CAPRIN1: variants seen among roughly 807,000 people sequenced by gnomAD.
CAPRIN1 encodes the protein caprin-1.
CAPRIN1 carries 29 observed loss-of-function variants against 100.9 expected under a neutral mutation model. That is an observed-to-expected ratio of 0.29 (90% CI 0.21 to 0.39). CAPRIN1 has a LOEUF of 0.39. Ranked by LOEUF, CAPRIN1 falls within the 10% of genes least tolerant of loss-of-function variation. The pLI is 1.00. For missense variants in CAPRIN1, 795 were observed against 876.7 expected (o/e 0.91, Z 1.18); for synonymous variants, 338 against 307.5 (o/e 1.10, Z -1.04).
intron 11 of CAPRIN1, among the ~76,000 whole-genome samples, chr11:34,088,767 A>C (rs561726051): frequency 6.6e-6 from 1 of 152,314 alleles, no homozygotes; most frequent in South Asian, 2.1e-4. Context: ...GTCTTTTTTC[A>C]TGGCACTGAT....
At position 34,102,088 on chromosome 11, in the gene CAPRIN1, A is replaced by G. The variant is rs1395287942; in HGVS notation, c.*2721A>G. ...TTGATATTAAAACAAATATCCTTTA[A>G]GTATTTCTAATCAGTTAGCTTCTAC... is the stretch of plus-strand genomic sequence containing the variant. On this transcript the variant is annotated 3_prime_UTR_variant, in exon 19 of 19. Coordinates refer to ENST00000341394, the MANE Select transcript of CAPRIN1 (RefSeq NM_005898.5). Among the ~76,000 whole-genome samples the G allele has an allele frequency of 6.6e-6, 1 of 152,194 alleles. No homozygotes were observed. The highest frequency in any genetic ancestry group is 1.5e-5 in the Non-Finnish European group (1 of 68,012).
At chr11:34,068,114 T>A (rs1170819668) in intron 2 of CAPRIN1, among the ~76,000 whole-genome samples, 1 of 152,200 alleles carries the variant, frequency 6.6e-6, no homozygotes, top group African/African-American at 2.4e-5. Context: ...TTCATTCATA[T>A]GTTTGTTGCT....
Position 34,096,561 on chromosome 11 carries a change from A to C in CAPRIN1, c.1788A>C (p.Gly596=). 6.2e-7 allele frequency: 1 copy of C among 1,614,104 alleles called. No individual in the cohort carries two copies. The highest frequency in any genetic ancestry group is 8.5e-7 in the Non-Finnish European group (1 of 1,180,008). The change falls in exon 16 of 19, where the codon GGA becomes GGC. Residue 596 remains glycine, a synonymous_variant. Coordinates refer to ENST00000341394, the MANE Select transcript of CAPRIN1 (RefSeq NM_005898.5). ...AGCAGCCTCCTCAGCAGAACACTGG[A>C]TTTCCACGTAGCAATCAGCCCTATT... ...NHQQPPQQNT[G]FPRSNQPYYN...
chr11:34,055,566 A>T (rs1850433421), intron 2 of CAPRIN1: 1 of 152,172 alleles, frequency 6.6e-6, no homozygotes, highest in Non-Finnish European at 1.5e-5. Flanking sequence ...ACCTCAGGTG[A>T]TCCAGCCGCC....
intron 2 of CAPRIN1, among the ~76,000 whole-genome samples, chr11:34,058,966 G>GGT (rs777547898): frequency 3.9e-5 from 6 of 152,102 alleles, no homozygotes; most frequent in Non-Finnish European, 5.9e-5. Context: ...GGAAATGAAT[G>GGT]GTGTGTGTGT....
At chr11:34,053,231 T>A in intron 2 of CAPRIN1, 2 of 853,190 alleles carry the variant, frequency 2.3e-6, no homozygotes, top group South Asian at 5.3e-5. Flanking sequence ...GGTCTTCGAT[T>A]TGCTACCCCC....
intron 2 of CAPRIN1, chr11:34,053,126 C>A (rs1590714610): frequency 1.0e-6 from 1 of 992,082 alleles, no homozygotes; most frequent in African/African-American, 1.7e-5. Flanking sequence ...ACCATGCACT[C>A]GAGACCTGTC....
At position 34,079,630 on chromosome 11, in the gene CAPRIN1, A is replaced by G; in HGVS notation, c.691A>G (p.Lys231Glu). Residue 231 changes from lysine (K) to glutamate (E), a missense_variant and splice_region_variant, in exon 7 of 19, where the codon AAA (lysine) becomes GAA (glutamate). Coordinates refer to ENST00000341394, the MANE Select transcript of CAPRIN1 (RefSeq NM_005898.5). ...KEKPVCGTTYKVLKEIVERVF... is the reference protein window; with the variant it reads ...KEKPVCGTTYEVLKEIVERVF... Reference sequence around the variant, plus strand: ...ATAATTCATGTTCTTTTTCTTAGATAAAGTTCTAAAGGAAATTGTTGAGCG... The same window carrying G: ...ATAATTCATGTTCTTTTTCTTAGATGAAGTTCTAAAGGAAATTGTTGAGCG... 1.2e-6 allele frequency: 2 copies of G among 1,612,886 alleles called. No homozygotes were observed. The highest frequency in any genetic ancestry group is 1.7e-6 in the Non-Finnish European group (2 of 1,179,156).
At position 34,095,459 on chromosome 11, in the gene CAPRIN1, A is replaced by G. The variant is rs376121823; in HGVS notation, c.1706-1020A>G. On this transcript the variant is annotated intron_variant, in intron 15 of 18. Transcript: ENST00000341394. ...GAGCAGTGGCTCTCTCTTTTTCTCT[A>G]GGTATTCCCTAGTGCTTTCATCGTA... 2.0e-5 allele frequency among the ~76,000 whole-genome samples: 3 copies of G among 152,336 alleles called. No individual in the cohort carries two copies. The South Asian group carries it at 6.2e-4, about 32-fold the overall frequency.
chr11:34,082,726 C>A, intron 7 of CAPRIN1, 99 bp from the exon 8 acceptor site: 1 of 811,774 alleles, frequency 1.2e-6, no homozygotes, highest in Non-Finnish European at 2.1e-6. Flanking sequence ...TGGGTTTGGA[C>A]AAATGCATAA....
chr11:34,072,342 A>G (rs928077222), intron 4 of CAPRIN1, among the ~76,000 whole-genome samples: 22 of 152,098 alleles, frequency 1.4e-4, no homozygotes, highest in Admixed American at 1.2e-3. Flanking sequence ...CATTAAATTT[A>G]AAAATTTTTT....
chr11:34,052,570 G>T lies in CAPRIN1; in HGVS notation c.150G>T (p.Gln50His), dbSNP rs763892752. The change falls in exon 2 of 19, where the codon CAG (glutamine) becomes CAT (histidine). Residue 50 changes from glutamine to histidine, a missense_variant. Physicochemically the swap from Gln to His is conservative, Grantham distance 24. Transcript: ENST00000341394. ...CCGCAACCGGCACCGGCGCTGTCCA[G>T]ACCGAGGCCATGAAGCAGATTCTCG... ...QHPATGTGAV[Q>H]TEAMKQILGV... The T allele has an allele frequency of 8.1e-6, 13 of 1,610,684 alleles. No homozygotes were observed. In the African/African-American group the frequency reaches 1.3e-4, roughly 17 times the overall value.
At chr11:34,098,115 C>A (rs2134140418) in intron 18 of CAPRIN1, 1 of 1,006,394 alleles carries the variant, frequency 9.9e-7, no homozygotes, top group African/African-American at 1.7e-5. Context: ...TGAGATTGAA[C>A]ATTTATATAA....
At chr11:34,061,298 C>G (rs1590721279) in intron 2 of CAPRIN1, among the ~76,000 whole-genome samples, 1 of 150,742 alleles carries the variant, frequency 6.6e-6, no homozygotes, top group Admixed American at 6.6e-5. Flanking sequence ...CCTCTGCCTC[C>G]CAGGTTCAAG....
At chr11:34,090,426 C>T in intron 13 of CAPRIN1, 103 bp from the exon 14 acceptor site, 2 of 1,370,260 alleles carry the variant, frequency 1.5e-6, no homozygotes, top group Admixed American at 1.9e-5. Flanking sequence ...TTTGTTAATA[C>T]ATATAAGTTT....
At chr11:34,072,795 T>C (rs2134105837) in intron 4 of CAPRIN1, among the ~76,000 whole-genome samples, 1 of 152,348 alleles carries the variant, frequency 6.6e-6, no homozygotes, top group African/African-American at 2.4e-5. Flanking sequence ...ATGTACTCCA[T>C]AATGATGTTT....
chr11:34,087,544 G>A lies in CAPRIN1; in HGVS notation c.1231+1131G>A, dbSNP rs981827142. 2.4e-5 allele frequency among the ~76,000 whole-genome samples: 3 copies of A among 123,352 alleles called. 1 individual carries two copies. Among genetic ancestry groups the A allele is most frequent in the Admixed American group, 7.6e-5 (1 of 13,226 alleles). 80.9% of individuals were successfully genotyped at this position (123,352 alleles called of 152,430 possible). A position where few individuals can be genotyped will look rare whatever the true frequency, so the allele number is the denominator to read the frequency against. ...GAGACGGGGTTTCACTGTTTTAGCC[G>A]GGATGGTCTCGATCTCCTGACCTCG... On this transcript the variant is annotated intron_variant, in intron 11 of 18. Coordinates refer to ENST00000341394, the MANE Select transcript of CAPRIN1 (RefSeq NM_005898.5).
intron 15 of CAPRIN1, 138 bp from the exon 16 acceptor site, chr11:34,096,341 T>C: frequency 3.4e-6 from 2 of 594,616 alleles, no homozygotes; most frequent in Non-Finnish European, 5.8e-6. Context: ...ATGTGTAGTT[T>C]TTCTTATCAT....
intron 2 of CAPRIN1, chr11:34,062,913 A>G (rs1850611440): frequency 6.6e-6 from 1 of 152,068 alleles, no homozygotes; most frequent in Non-Finnish European, 1.5e-5. Context: ...CCTTCTGACT[A>G]TTTAAAATTG....
Sources: allele counts gnomAD v4.1 joint callset (sites outside exome capture counted in the v4.1 genomes callset), GRCh38; gene constraint gnomAD v4.1.1; transcripts MANE v1.5; gene names NCBI Gene and HGNC (gene_info 2026-07-23, HGNC 2026-07-21).